Variants in DNAJB12 observed in about 807,000 individuals in gnomAD.
The protein encoded by DNAJB12 is dnaJ homolog subfamily B member 12.
In DNAJB12, 14 loss-of-function variants were observed where a neutral mutation model predicts 40.6. That is an observed-to-expected ratio of 0.34 (90% CI 0.23 to 0.54). The LOEUF (loss-of-function observed/expected upper bound fraction) is 0.54. DNAJB12 is among the 20% of genes least tolerant of loss of function. The probability of loss-of-function intolerance (pLI) is 0.92; values close to 1 mark genes in which losing one functional copy is unlikely to be tolerated. For missense variants in DNAJB12, 444 were observed against 501.7 expected (o/e 0.89, Z 1.10); for synonymous variants, 181 against 199.5 (o/e 0.91, Z 0.78).
chr10:72,339,258 C>T (rs1403973196), intron 5 of DNAJB12, among the ~76,000 whole-genome samples: 1 of 138,120 alleles, frequency 7.2e-6, no homozygotes, highest in African/African-American at 2.8e-5. Context: ...AAAAAAAGGC[C>T]GGCATGGTGG....
Position 72,333,069 on chromosome 10 carries a change from A to G in DNAJB12, c.*1579T>C, listed in dbSNP as rs1861360509. ...CTCTCTGGGCTGAAGTGGCTGCTTC[A>G]TTGCAGGGTTGGACCTTGTTTAAAA... On this transcript the variant is annotated 3_prime_UTR_variant, in exon 9 of 9. Coordinates refer to ENST00000444643, the MANE Select transcript of DNAJB12 (RefSeq NM_017626.7). 6.6e-6 allele frequency: 1 copy of G among 152,516 alleles called. No individual in the cohort carries two copies. Among genetic ancestry groups the G allele is most frequent in the Non-Finnish European group, 1.5e-5 (1 of 68,024 alleles). 9.4% of individuals were successfully genotyped at this position (152,516 alleles called of 1,614,324 possible).
chr10:72,353,838 G>C (rs1449870972), intron 1 of DNAJB12: 8 of 152,182 alleles, frequency 5.3e-5, no homozygotes, highest in Admixed American at 5.2e-4. Flanking sequence ...TGGGCCCTTC[G>C]GAGTGCCTGT....
At chr10:72,338,438 C>A in intron 5 of DNAJB12, 127 bp from the exon 6 acceptor site, 1 of 686,664 alleles carries the variant, frequency 1.5e-6, no homozygotes, top group Non-Finnish European at 2.4e-6. Flanking sequence ...GTTCCCTCCA[C>A]GAGGCTCCAA....
chr10:72,354,715 T>TC (rs762414728), intron 1 of DNAJB12, 50 bp downstream of exon 1: 2 of 1,510,268 alleles, frequency 1.3e-6, no homozygotes, highest in Admixed American at 1.8e-5. Flanking sequence ...GTTCCCGTGT[T>TC]CCCCCCATCA....
rs763315815 is a variant in DNAJB12 at position 72,354,918 on chromosome 10, C to T, written c.-21G>A. 1.2e-6 allele frequency: 2 copies of T among 1,613,788 alleles called. No homozygotes were observed. Among genetic ancestry groups the T allele is most frequent in the Non-Finnish European group, 1.7e-6 (2 of 1,179,828 alleles). On this transcript the variant is annotated 5_prime_UTR_variant, in exon 1 of 9. Coordinates refer to ENST00000444643, the MANE Select transcript of DNAJB12 (RefSeq NM_017626.7). ...TCCATGGCGGAACCAGAACGCGGAA[C>T]CAGGGAGGGGGAGGCCGGGCGAGCG...
chr10:72,345,130 G>A lies in DNAJB12; in HGVS notation c.134-3C>T, dbSNP rs780662137. 1.2e-6 allele frequency: 2 copies of A among 1,600,984 alleles called. No individual in the cohort carries two copies. The highest frequency in any genetic ancestry group is 2.7e-5 in the African/African-American group (2 of 74,632). Reference sequence around the variant, plus strand: ...CTGGTTGAGGGACTCAATCAGGGCTGTGCAAGGCAAGGAAACCATTCAGAG... The same window carrying A: ...CTGGTTGAGGGACTCAATCAGGGCTATGCAAGGCAAGGAAACCATTCAGAG... On this transcript the variant is annotated splice_polypyrimidine_tract_variant and splice_region_variant and intron_variant, in intron 1 of 8. Transcript: ENST00000444643.
chr10:72,354,805 C>T lies in DNAJB12; in HGVS notation c.93G>A (p.Leu31=). The part of the protein sequence containing the change: ...SNQPDRALRF[L]EKAQRLYPTP... Reference sequence around the variant, plus strand: ...TCGGATACAGCCGCTGTGCCTTCTCCAGGAAGCGGAGCGCCCGGTCGGGCT... The same window carrying T: ...TCGGATACAGCCGCTGTGCCTTCTCTAGGAAGCGGAGCGCCCGGTCGGGCT... The change falls in exon 1 of 9, where the codon CTG becomes CTA. Residue 31 remains leucine, a synonymous_variant. Transcript: ENST00000444643. The T allele has an allele frequency of 3.1e-6, 5 of 1,613,908 alleles. No homozygotes were observed. The highest frequency in any genetic ancestry group is 4.2e-6 in the Non-Finnish European group (5 of 1,179,892).
Position 72,341,071 on chromosome 10 carries a change from C to T in DNAJB12, c.557G>A (p.Gly186Glu), listed in dbSNP as rs750215643. Reference protein sequence around the residue: ...DKSQAARHGHGHGDFHRGFEA... With the variant: ...DKSQAARHGHEHGDFHRGFEA... ...AAAGCCACGGTGGAAATCCCCATGC[C>T]CATGGCCGTGCCGGGCCGCCTGGCT... The change falls in exon 4 of 9, where the codon GGG becomes GAG. Residue 186 changes from glycine (G) to glutamate (E), a missense_variant. Coordinates refer to ENST00000444643, the MANE Select transcript of DNAJB12 (RefSeq NM_017626.7). 3 of 1,614,152 alleles carry T rather than the reference C, an allele frequency of 1.9e-6. No homozygotes were observed. Among genetic ancestry groups the T allele is most frequent in the South Asian group, 1.1e-5 (1 of 91,078 alleles).
At chr10:72,338,419 C>T (rs1283884809) in intron 5 of DNAJB12, 108 bp from the exon 6 acceptor site, 1 of 855,888 alleles carries the variant, frequency 1.2e-6, no homozygotes, top group Non-Finnish European at 1.9e-6. Flanking sequence ...GACATGACAC[C>T]ACTCTGCCGT....
chr10:72,352,378 CT>C (rs1480136665), intron 1 of DNAJB12, among the ~76,000 whole-genome samples: 3 of 152,198 alleles, frequency 2.0e-5, no homozygotes, highest in African/African-American at 7.2e-5. Flanking sequence ...GCTCCTTTGT[CT>C]TCTTCCAGGA....
chr10:72,344,401 G>C lies in DNAJB12; in HGVS notation c.311+549C>G, dbSNP rs998914775. ...CCCAAGGCCAGCTGCTGGGAGACCTGGGGAGAAATGGGAGCTGGGAACGTC... is the reference window on the plus strand; with the variant it reads ...CCCAAGGCCAGCTGCTGGGAGACCTCGGGAGAAATGGGAGCTGGGAACGTC... On this transcript the variant is annotated intron_variant, in intron 2 of 8. Transcript: ENST00000444643. 3.3e-5 allele frequency among the ~76,000 whole-genome samples: 5 copies of C among 152,220 alleles called. No individual in the cohort carries two copies. In the East Asian group the frequency reaches 9.6e-4, roughly 29 times the overall value.
intron 1 of DNAJB12, among the ~76,000 whole-genome samples, chr10:72,352,959 T>C (rs547996987): frequency 6.6e-6 from 1 of 152,232 alleles, no homozygotes; most frequent in Non-Finnish European, 1.5e-5. Context: ...GATCTTTCCC[T>C]GTCCCAGACC....
chr10:72,335,779 C>A lies in DNAJB12; in HGVS notation c.*30+1G>T, dbSNP rs775561097. ...AGGGTGGAGGCAGCCCTGGCTCATACTTGGACCTCGGTGGTGTGGCTGGCC... is the reference window on the plus strand; with the variant it reads ...AGGGTGGAGGCAGCCCTGGCTCATAATTGGACCTCGGTGGTGTGGCTGGCC... On this transcript the variant is annotated splice_donor_variant, in intron 8 of 8. Transcript: ENST00000444643. LOFTEE classifies it low-confidence loss of function (3UTR_SPLICE). The surrounding 1 kb of genome is among the most constrained non-coding windows in gnomAD (Gnocchi z 4.4). 17 of 1,612,648 alleles carry A rather than the reference C, an allele frequency of 1.1e-5. No individual in the cohort carries two copies. In the Admixed American group the frequency reaches 2.8e-4, roughly 27 times the overall value.
At chr10:72,344,805 C>T in intron 2 of DNAJB12, 145 bp downstream of exon 2, 1 of 933,188 alleles carries the variant, frequency 1.1e-6, no homozygotes, top group Non-Finnish European at 1.7e-6. Context: ...CCTGGTGAGC[C>T]TGGACCCTTG....
rs1031916590 is a variant in DNAJB12 at position 72,333,290 on chromosome 10, C to G, written c.*1358G>C. ...CCGCCACAGGAAAACATGGTCATTCCAGAAGGCCCAGGAGAAACTGTGGGA... is the reference window on the plus strand; with the variant it reads ...CCGCCACAGGAAAACATGGTCATTCGAGAAGGCCCAGGAGAAACTGTGGGA... On this transcript the variant is annotated 3_prime_UTR_variant, in exon 9 of 9. Coordinates refer to ENST00000444643, the MANE Select transcript of DNAJB12 (RefSeq NM_017626.7). 1 of 152,150 alleles carries G rather than the reference C, an allele frequency of 6.6e-6. No individual in the cohort carries two copies. The highest frequency in any genetic ancestry group is 1.5e-5 in the Non-Finnish European group (1 of 68,040). The allele number at this position is 152,150 out of a possible 1,614,324, so 9.4% of individuals were successfully genotyped here.
chr10:72,338,889 T>A (rs1861551365), intron 5 of DNAJB12, among the ~76,000 whole-genome samples: 1 of 152,104 alleles, frequency 6.6e-6, no homozygotes, highest in South Asian at 2.1e-4. Flanking sequence ...AAAAGAAGAA[T>A]TAGAAATAAA....
chr10:72,346,314 C>T (rs1004195178), intron 1 of DNAJB12, among the ~76,000 whole-genome samples: 25 of 151,316 alleles, frequency 1.7e-4, no homozygotes, highest in African/African-American at 5.8e-4. Context: ...CAGGCACGTG[C>T]CACCACGCCT....
In DNAJB12 at chr10:72,335,997, G is replaced by C. The variant is rs957251477; in HGVS notation, c.1007-66C>G. On this transcript the variant is annotated intron_variant, in intron 7 of 8. Coordinates refer to ENST00000444643, the MANE Select transcript of DNAJB12 (RefSeq NM_017626.7). The surrounding 1 kb of genome is among the most constrained non-coding windows in gnomAD (Gnocchi z 4.4). ...TCCCGAAGCCTGCAAGGAAGCCTGC[G>C]AGGGCTGTGGAGGGCGGAGGAAAGC... 6.3e-7 allele frequency: 1 copy of C among 1,582,540 alleles called. No individual in the cohort carries two copies. The highest frequency in any genetic ancestry group is 8.6e-7 in the Non-Finnish European group (1 of 1,158,954).
chr10:72,335,633 C>G lies in DNAJB12; in HGVS notation c.*30+147G>C. The G allele has an allele frequency of 7.0e-7, 1 of 1,418,680 alleles. No homozygotes were observed. The highest frequency in any genetic ancestry group is 9.2e-7 in the Non-Finnish European group (1 of 1,088,310). 87.9% of individuals were successfully genotyped at this position (1,418,680 alleles called of 1,614,324 possible). A position where few individuals can be genotyped will look rare whatever the true frequency, so the allele number is the denominator to read the frequency against. On this transcript the variant is annotated intron_variant, in intron 8 of 8. Transcript: ENST00000444643. This position sits in a 1 kb window ranked among gnomAD's most constrained non-coding sequence, Gnocchi z 4.4. The stretch of plus-strand genomic sequence containing the variant: ...TTTCCCAGCAGGCCCCACAGCTGCT[C>G]GGTCTCTGGAGGCTGGAGGTCAGGC...
Sources: gnomAD v4.1 joint callset for allele counts (sites outside exome capture counted in the v4.1 genomes callset) on GRCh38, gnomAD v4.1.1 for gene constraint, Gnocchi (gnomAD v3.1) non-coding constraint, MANE v1.5 for transcripts, NCBI Gene and HGNC (gene_info 2026-07-23, HGNC 2026-07-21) for gene names.